The following SUGCT variants were observed in gnomAD, a reference collection of about 807,000 sequenced individuals.
SUGCT encodes succinyl-CoA:glutarate-CoA transferase.
SUGCT carries 41 observed loss-of-function variants against 55.0 expected under a neutral mutation model. That is an observed-to-expected ratio of 0.74 (90% CI 0.58 to 0.97). The LOEUF (loss-of-function observed/expected upper bound fraction) is 0.97. SUGCT is among the 50% of genes least tolerant of loss of function. The probability of loss-of-function intolerance (pLI) is 0.00; values close to 1 mark genes in which losing one functional copy is unlikely to be tolerated. For missense variants in SUGCT, 568 were observed against 547.8 expected (o/e 1.04, Z -0.37); for synonymous variants, 187 against 200.4 (o/e 0.93, Z 0.56).
At chr7:40,699,323 A>G (rs1221197056) in intron 12 of SUGCT, among the ~76,000 whole-genome samples, 2 of 152,138 alleles carry the variant, frequency 1.3e-5, no homozygotes, top group African/African-American at 2.4e-5. Flanking sequence ...GCTAAGGGGC[A>G]CAGAGGTGGA....
chr7:40,183,453 C>G (rs1414115918), intron 3 of SUGCT, among the ~76,000 whole-genome samples: 1 of 152,070 alleles, frequency 6.6e-6, no homozygotes, highest in African/African-American at 2.4e-5. Context: ...AGTTCTCCTG[C>G]CTCAGCCTCC....
At chr7:40,206,413 A>T (rs1466231040) in intron 6 of SUGCT, among the ~76,000 whole-genome samples, 1 of 152,204 alleles carries the variant, frequency 6.6e-6, no homozygotes, top group African/African-American at 2.4e-5. Flanking sequence ...TTAATCACAA[A>T]GGTTAAAAGT....
chr7:40,587,392 T>C (rs933808206), intron 12 of SUGCT, among the ~76,000 whole-genome samples: 2 of 152,232 alleles, frequency 1.3e-5, no homozygotes, highest in Non-Finnish European at 1.5e-5. Context: ...CCAGGCTATT[T>C]TGAAAAATAA....
At chr7:40,383,970 C>T (rs941162396) in intron 9 of SUGCT, among the ~76,000 whole-genome samples, 16 of 152,040 alleles carry the variant, frequency 1.1e-4, no homozygotes, top group African/African-American at 3.9e-4. Context: ...ACTCTTTGTT[C>T]GAGGCTCAGT....
intron 8 of SUGCT, among the ~76,000 whole-genome samples, chr7:40,284,326 G>A (rs753793244): frequency 2.6e-5 from 4 of 151,986 alleles, no homozygotes; most frequent in Non-Finnish European, 5.9e-5. Context: ...AGGTGATGAA[G>A]GACAGGCATG....
chr7:40,483,467 A>G (rs1791166347), intron 11 of SUGCT, among the ~76,000 whole-genome samples: 1 of 152,202 alleles, frequency 6.6e-6, no homozygotes, highest in South Asian at 2.1e-4. Flanking sequence ...CATTTAACTT[A>G]TCATAATAAG....
At chr7:40,329,835 A>G (rs538779727) in intron 9 of SUGCT, among the ~76,000 whole-genome samples, 1 of 152,164 alleles carries the variant, frequency 6.6e-6, no homozygotes, top group African/African-American at 2.4e-5. Context: ...TTATTATTAG[A>G]TGATTTCCTC....
At chr7:40,900,405 T>C in the SUGCT span, among the ~76,000 whole-genome samples, 6 of 152,236 alleles carry the variant, frequency 3.9e-5, no homozygotes, top group Non-Finnish European at 2.9e-5. Flanking sequence ...CAGGATGAAC[T>C]AGTTGTGCGG....
the SUGCT span, among the ~76,000 whole-genome samples, chr7:40,977,144 C>A: frequency 2.0e-5 from 3 of 152,212 alleles, no homozygotes; most frequent in South Asian, 2.1e-4. Flanking sequence ...AACACACACA[C>A]AACCGCAGAC....
chr7:40,561,299 G>A (rs1795823154), intron 12 of SUGCT, among the ~76,000 whole-genome samples: 1 of 152,100 alleles, frequency 6.6e-6, no homozygotes, highest in Non-Finnish European at 1.5e-5. Flanking sequence ...TTCTCTAATT[G>A]GAATGAGCAA....
At chr7:40,898,868 T>A in the SUGCT span, among the ~76,000 whole-genome samples, 1 of 152,032 alleles carries the variant, frequency 6.6e-6, no homozygotes, top group African/African-American at 2.4e-5. Flanking sequence ...AGTGAATAGT[T>A]CCTAGATCAG....
chr7:40,881,311 C>T, the SUGCT span, among the ~76,000 whole-genome samples: 3 of 152,198 alleles, frequency 2.0e-5, no homozygotes, highest in Non-Finnish European at 2.9e-5. Flanking sequence ...TAAAGCTGCT[C>T]CCATTCCCTT....
chr7:40,137,336 G>C (rs146819205), intron 1 of SUGCT, among the ~76,000 whole-genome samples: 156 of 151,922 alleles, frequency 1.0e-3, no homozygotes, highest in African/African-American at 3.5e-3. Context: ...GGGTCTTGCT[G>C]TGTTTCCCAG....
At position 40,583,165 on chromosome 7, in the gene SUGCT, C is replaced by T. The variant is rs118086752; in HGVS notation, c.1089+86779C>T. Among the ~76,000 whole-genome samples the T allele has an allele frequency of 6.7e-4, 102 of 151,956 alleles. 1 individual carries two copies. In the East Asian group the frequency reaches 0.015, roughly 22 times the overall value. On this transcript the variant is annotated intron_variant, in intron 12 of 13. Transcript: ENST00000335693. ...AATGAATTGAATGGGGTGGTACATC[C>T]GTAAAGGAAAATATACTTTAAAGTA...
chr7:40,170,710 A>G (rs1223647767), intron 1 of SUGCT, among the ~76,000 whole-genome samples: 2 of 150,852 alleles, frequency 1.3e-5, no homozygotes, highest in East Asian at 1.9e-4. Context: ...AGAAAGGGGT[A>G]TGGGTTGCTG....
intron 12 of SUGCT, among the ~76,000 whole-genome samples, chr7:40,725,155 A>G (rs1473347490): frequency 2.0e-5 from 3 of 152,208 alleles, no homozygotes; most frequent in Non-Finnish European, 4.4e-5. Context: ...AAGCGGTTAT[A>G]GAATGTAGAA....
the SUGCT span, among the ~76,000 whole-genome samples, chr7:41,013,502 A>G: frequency 6.6e-6 from 1 of 152,218 alleles, no homozygotes; most frequent in Non-Finnish European, 1.5e-5. Flanking sequence ...GCATTGGCTG[A>G]GGACATAGAC....
chr7:40,610,227 G>A (rs560746506), intron 12 of SUGCT, among the ~76,000 whole-genome samples: 10 of 152,300 alleles, frequency 6.6e-5, no homozygotes, highest in African/African-American at 1.2e-4. Flanking sequence ...CCGCATGTAA[G>A]TCTTAAGTAC....
chr7:40,741,004 G>C (rs1455330209), intron 12 of SUGCT, among the ~76,000 whole-genome samples: 1 of 152,126 alleles, frequency 6.6e-6, no homozygotes, highest in African/African-American at 2.4e-5. Context: ...TAGCATCCTG[G>C]CATGGTGGCT....
Sources: allele counts gnomAD v4.1 joint callset (sites outside exome capture counted in the v4.1 genomes callset), GRCh38; gene constraint gnomAD v4.1.1; transcripts MANE v1.5; gene names NCBI Gene and HGNC (gene_info 2026-07-23, HGNC 2026-07-21).